GRID2: variants seen among roughly 807,000 people sequenced by gnomAD.
GRID2 encodes the protein glutamate receptor ionotropic, delta-2.
Under a neutral mutation model 114.8 loss-of-function variants are expected in GRID2, and 33 were observed. That is an observed-to-expected ratio of 0.29 (90% CI 0.22 to 0.38). GRID2 has a LOEUF of 0.38. GRID2 is among the 10% of genes least tolerant of loss of function. The pLI, the probability that GRID2 is intolerant of heterozygous loss-of-function variation, is 1.00. For missense variants in GRID2, 1,184 were observed against 1,257.7 expected, an observed-to-expected ratio of 0.94 and a Z score of 0.89; for synonymous variants, 505 against 449.9, an observed-to-expected ratio of 1.12 and a Z score of -1.55.
chr4:93,736,795 A>C (rs1730956480), intron 14 of GRID2, among the ~76,000 whole-genome samples: 1 of 127,832 alleles, frequency 7.8e-6, no homozygotes, highest in Non-Finnish European at 1.6e-5. Flanking sequence ...CCTGAAGTAA[A>C]GGCATGGCTC....
At chr4:93,620,164 G>A (rs1186673976) in intron 13 of GRID2, among the ~76,000 whole-genome samples, 4 of 152,184 alleles carry the variant, frequency 2.6e-5, no homozygotes, top group Admixed American at 2.6e-4. Flanking sequence ...GTTGAAACAT[G>A]TTTGGTAAAT....
chr4:93,094,475 C>A (rs1044806922), intron 3 of GRID2, among the ~76,000 whole-genome samples: 1 of 151,898 alleles, frequency 6.6e-6, no homozygotes, highest in African/African-American at 2.4e-5. Flanking sequence ...GTCCAGTATT[C>A]TCTCTGCATA....
At chr4:93,666,040 G>A (rs1017636155) in intron 14 of GRID2, among the ~76,000 whole-genome samples, 2 of 152,044 alleles carry the variant, frequency 1.3e-5, no homozygotes, top group Non-Finnish European at 1.5e-5. Flanking sequence ...AGCCCCTGAA[G>A]GGAAGGTACA....
At chr4:93,022,205 T>C (rs929808383) in intron 2 of GRID2, among the ~76,000 whole-genome samples, 31 of 151,572 alleles carry the variant, frequency 2.0e-4, no homozygotes, top group African/African-American at 5.3e-4. Context: ...CATACGCATA[T>C]ACACACACAC....
chr4:92,338,444 A>G (rs1215861839), intron 1 of GRID2, among the ~76,000 whole-genome samples: 4 of 152,128 alleles, frequency 2.6e-5, no homozygotes, highest in African/African-American at 7.2e-5. Context: ...AGTTTCTTAC[A>G]GTATTAATTG....
intron 1 of GRID2, among the ~76,000 whole-genome samples, chr4:92,544,348 G>T (rs1247809267): frequency 3.3e-5 from 5 of 152,084 alleles, no homozygotes; most frequent in Non-Finnish European, 7.4e-5. Context: ...CTTTTATGCT[G>T]TTTGAGTCGT....
chr4:93,264,845 C>G (rs150752352), intron 8 of GRID2, among the ~76,000 whole-genome samples: 1 of 150,330 alleles, frequency 6.7e-6, no homozygotes. Context: ...TGCAGTGGCA[C>G]AATCTCAGCT....
intron 2 of GRID2, among the ~76,000 whole-genome samples, chr4:92,638,100 G>C (rs913196366): frequency 6.6e-6 from 1 of 151,814 alleles, no homozygotes; most frequent in African/African-American, 2.4e-5. Flanking sequence ...GTAATGCTTA[G>C]TGTCAGTCAT....
At chr4:93,349,383 A>G (rs1233917251) in intron 8 of GRID2, among the ~76,000 whole-genome samples, 2 of 152,020 alleles carry the variant, frequency 1.3e-5, no homozygotes, top group African/African-American at 2.4e-5. Flanking sequence ...TTTACCATCC[A>G]TGCTGATACT....
intron 14 of GRID2, among the ~76,000 whole-genome samples, chr4:93,649,733 G>A (rs571358934): frequency 7.2e-5 from 11 of 152,208 alleles, no homozygotes; most frequent in Non-Finnish European, 1.6e-4. Flanking sequence ...ATGGGCCAGA[G>A]TCATTCAGGT....
At position 92,977,301 on chromosome 4, in the gene GRID2, A is replaced by G. The variant is rs139120276; in HGVS notation, c.245-107694A>G. On this transcript the variant is annotated intron_variant, in intron 2 of 15. Coordinates refer to ENST00000282020, the MANE Select transcript of GRID2 (RefSeq NM_001510.4). ...ATGACATTTGATGGGAGAACCGAAAAGCAAAAAGTAGTCAACCACAAAAAT... is the reference window on the plus strand; with the variant it reads ...ATGACATTTGATGGGAGAACCGAAAGGCAAAAAGTAGTCAACCACAAAAAT... Among the ~76,000 whole-genome samples the G allele has an allele frequency of 5.4e-4, 83 of 152,314 alleles. No individual in the cohort carries two copies. In the East Asian group the frequency reaches 0.014, roughly 26 times the overall value.
chr4:93,320,926 T>A (rs1757141793), intron 8 of GRID2, among the ~76,000 whole-genome samples: 1 of 152,030 alleles, frequency 6.6e-6, no homozygotes, highest in Non-Finnish European at 1.5e-5. Flanking sequence ...TATTAATATA[T>A]AAGATATTTA....
At chr4:93,458,452 C>G (rs1356858469) in intron 11 of GRID2, among the ~76,000 whole-genome samples, 1 of 152,034 alleles carries the variant, frequency 6.6e-6, no homozygotes, top group African/African-American at 2.4e-5. Context: ...TTGGGCCTCT[C>G]CATGAGGTCA....
chr4:92,544,003 G>A (rs1210036761), intron 1 of GRID2, among the ~76,000 whole-genome samples: 1 of 152,120 alleles, frequency 6.6e-6, no homozygotes. Flanking sequence ...AACATGGTTG[G>A]AGTATTTATA....
intron 4 of GRID2, among the ~76,000 whole-genome samples, chr4:93,153,572 T>C (rs749407520): frequency 2.6e-5 from 4 of 152,048 alleles, no homozygotes; most frequent in Non-Finnish European, 4.4e-5. Flanking sequence ...CGATGTGCTA[T>C]GAATGAAAGT....
intron 9 of GRID2, among the ~76,000 whole-genome samples, chr4:93,405,807 T>G (rs1342987528): frequency 1.3e-5 from 2 of 152,060 alleles, no homozygotes; most frequent in Non-Finnish European, 2.9e-5. Flanking sequence ...TTCAACATAA[T>G]CACAAGACAA....
At chr4:93,103,676 T>C (rs1028315482) in intron 3 of GRID2, among the ~76,000 whole-genome samples, 3 of 151,982 alleles carry the variant, frequency 2.0e-5, no homozygotes, top group Non-Finnish European at 4.4e-5. Context: ...ATTATAATCT[T>C]GGCAGTGTGC....
intron 13 of GRID2, among the ~76,000 whole-genome samples, chr4:93,589,928 A>T (rs1162845185): frequency 4.7e-5 from 7 of 150,382 alleles, no homozygotes; most frequent in Non-Finnish European, 8.9e-5. Context: ...AATTTGTTTG[A>T]GTTCATTGTA....
intron 14 of GRID2, among the ~76,000 whole-genome samples, chr4:93,722,717 A>G (rs1374975058): frequency 6.6e-6 from 1 of 152,158 alleles, no homozygotes; most frequent in Non-Finnish European, 1.5e-5. Flanking sequence ...CCTGCTCTCC[A>G]TCTCCACTGT....
Sources: gnomAD v4.1 joint callset for allele counts (sites outside exome capture counted in the v4.1 genomes callset) on GRCh38, gnomAD v4.1.1 for gene constraint, MANE v1.5 for transcripts, NCBI Gene and HGNC (gene_info 2026-07-23, HGNC 2026-07-21) for gene names.